Variants in PAX5 observed in about 807,000 individuals in gnomAD.
PAX5 encodes paired box protein Pax-5.
PAX5 carries 9 observed loss-of-function variants against 43.7 expected under a neutral mutation model. That is an observed-to-expected ratio of 0.21 (90% CI 0.12 to 0.36). The LOEUF is 0.36. Ranked by LOEUF, PAX5 falls within the 10% of genes least tolerant of loss-of-function variation. The pLI, the probability that PAX5 is intolerant of heterozygous loss-of-function variation, is 1.00. For synonymous variants in PAX5, 228 were observed against 214.3 expected (o/e 1.06, Z -0.56); for missense variants, 383 against 532.7 (o/e 0.72, Z 2.77).
chr9:36,888,841 G>T (rs957146473), intron 7 of PAX5, among the ~76,000 whole-genome samples: 2 of 152,176 alleles, frequency 1.3e-5, no homozygotes, highest in African/African-American at 2.4e-5. Context: ...TTTCACACAG[G>T]CTCCCCCGTT....
chr9:36,978,008 A>G (rs1240298188), intron 5 of PAX5, among the ~76,000 whole-genome samples: 2 of 152,262 alleles, frequency 1.3e-5, no homozygotes, highest in Admixed American at 1.3e-4. Flanking sequence ...CGAGCTGTTC[A>G]GCATCACTAT....
intron 5 of PAX5, among the ~76,000 whole-genome samples, chr9:36,997,399 C>A (rs1050391444): frequency 6.6e-6 from 1 of 152,162 alleles, no homozygotes; most frequent in African/African-American, 2.4e-5. Context: ...AAACTCAGGG[C>A]CCTGTGAGTT....
Position 36,946,134 on chromosome 9 carries a change from T to C in PAX5, c.780+20415A>G, listed in dbSNP as rs909186655. ...GGAAGCGACTCCCTGAGGAGTGCTC[T>C]GTCAGGATGCAGTGCTCCATCAGGA... On this transcript the variant is annotated intron_variant, in intron 6 of 9. Transcript: ENST00000358127. 2.1e-4 allele frequency among the ~76,000 whole-genome samples: 30 copies of C among 145,692 alleles called. No individual in the cohort carries two copies. The South Asian group carries it at 2.5e-3, about 12-fold the overall frequency.
At chr9:36,927,171 G>A (rs1053213554) in intron 6 of PAX5, among the ~76,000 whole-genome samples, 2 of 152,170 alleles carry the variant, frequency 1.3e-5, no homozygotes, top group African/African-American at 4.8e-5. Flanking sequence ...GAAGGAAGGA[G>A]TGCTCTTCCT....
At chr9:36,999,904 T>G (rs7047835) in intron 5 of PAX5, among the ~76,000 whole-genome samples, 2 of 151,876 alleles carry the variant, frequency 1.3e-5, no homozygotes, top group African/African-American at 2.4e-5. Context: ...TTCCCCATAC[T>G]GGCCCCAGGC....
chr9:36,961,330 G>C (rs947725890), intron 6 of PAX5, among the ~76,000 whole-genome samples: 1 of 152,216 alleles, frequency 6.6e-6, no homozygotes, highest in African/African-American at 2.4e-5. Context: ...TCTTCTCCCA[G>C]TTTAACCTCC....
In PAX5 at chr9:36,955,784, T is replaced by A. The variant is rs200506222; in HGVS notation, c.780+10765A>T. On this transcript the variant is annotated intron_variant, in intron 6 of 9. Transcript: ENST00000358127. ...TCTTTTTGTTTCAAAAAAAAAAAAA[T>A]ATATATATATATATATATACCCACA... is the stretch of plus-strand genomic sequence containing the variant. Among the ~76,000 whole-genome samples, 803 of 108,070 alleles carry A rather than the reference T, an allele frequency of 7.4e-3. 5 individuals are homozygous for A. Among genetic ancestry groups the A allele is most frequent in the African/African-American group, 0.019 (566 of 29,146 alleles). The allele number at this position is 108,070 out of a possible 152,430, so 70.9% of individuals were successfully genotyped here.
intron 6 of PAX5, among the ~76,000 whole-genome samples, chr9:36,932,487 T>C (rs1195992475): frequency 4.6e-5 from 7 of 152,150 alleles, no homozygotes; most frequent in African/African-American, 1.2e-4. Flanking sequence ...AGTCCAGACA[T>C]ATAGGATAGC....
chr9:36,933,836 C>G (rs1279497966), intron 6 of PAX5, among the ~76,000 whole-genome samples: 2 of 152,168 alleles, frequency 1.3e-5, no homozygotes, highest in African/African-American at 4.8e-5. Context: ...CCCTGGACTC[C>G]CATGCAACCA....
chr9:36,953,487 G>A (rs977543149), intron 6 of PAX5, among the ~76,000 whole-genome samples: 2 of 151,920 alleles, frequency 1.3e-5, no homozygotes, highest in Non-Finnish European at 2.9e-5. Context: ...TTATCCCACA[G>A]TTCTTAGGTG....
intron 8 of PAX5, among the ~76,000 whole-genome samples, chr9:36,880,397 C>G (rs1826305252): frequency 6.6e-6 from 1 of 152,182 alleles, no homozygotes; most frequent in South Asian, 2.1e-4. Context: ...AGACTTGGGC[C>G]TATTTGGGTG....
intron 1 of PAX5, 98 bp downstream of exon 1, chr9:37,033,888 C>T (rs1223815621): frequency 9.7e-6 from 10 of 1,029,584 alleles, no homozygotes; most frequent in Admixed American, 3.9e-5. Context: ...TACGAAAATG[C>T]GGCGCGCCCC....
chr9:36,872,763 G>A (rs897351860), intron 8 of PAX5, among the ~76,000 whole-genome samples: 3 of 151,954 alleles, frequency 2.0e-5, no homozygotes, highest in Non-Finnish European at 4.4e-5. Flanking sequence ...TAGACCCCTC[G>A]TCCCCCCACC....
At chr9:36,864,085 G>A (rs1453208838) in intron 8 of PAX5, among the ~76,000 whole-genome samples, 2 of 152,196 alleles carry the variant, frequency 1.3e-5, no homozygotes, top group Non-Finnish European at 2.9e-5. Context: ...TTCCAGCCTG[G>A]GCATCAGAGC....
At chr9:36,885,401 T>C (rs1026138688) in intron 7 of PAX5, among the ~76,000 whole-genome samples, 1 of 152,222 alleles carries the variant, frequency 6.6e-6, no homozygotes, top group Non-Finnish European at 1.5e-5. Context: ...TTAGTCATTC[T>C]GAGCCTCGAT....
chr9:36,951,205 ATTG>A (rs1482170136), intron 6 of PAX5, among the ~76,000 whole-genome samples: 42 of 152,258 alleles, frequency 2.8e-4, no homozygotes, highest in Non-Finnish European at 1.6e-4. Context: ...GTATTCTCTA[ATTG>A]TTGTCCTTTC....
chr9:36,891,356 T>C (rs868435978), intron 7 of PAX5, among the ~76,000 whole-genome samples: 2 of 152,200 alleles, frequency 1.3e-5, no homozygotes, highest in Non-Finnish European at 2.9e-5. Context: ...AACAGCTCAA[T>C]ACCCAGGACG....
intron 7 of PAX5, among the ~76,000 whole-genome samples, chr9:36,893,261 G>A (rs1299889082): frequency 1.3e-5 from 2 of 152,340 alleles, no homozygotes; most frequent in East Asian, 3.9e-4. Context: ...CCAGTGTCAT[G>A]GCAGGAACTT....
In PAX5 at chr9:36,862,317, G is replaced by A. The variant is rs117601728; in HGVS notation, c.1013-15388C>T. ...GGAATGCAGGAGGACGATGCATCCC[G>A]ATTCTCCACAAGGGGGAGCCTGGTC... On this transcript the variant is annotated intron_variant, in intron 8 of 9. Transcript: ENST00000358127. 8.0e-4 allele frequency among the ~76,000 whole-genome samples: 122 copies of A among 152,256 alleles called. 1 individual carries two copies. The East Asian group carries it at 0.018, about 22-fold the overall frequency.
Sources: allele counts gnomAD v4.1 joint callset (sites outside exome capture counted in the v4.1 genomes callset), GRCh38; gene constraint gnomAD v4.1.1; transcripts MANE v1.5; gene names NCBI Gene and HGNC (gene_info 2026-07-23, HGNC 2026-07-21).